PTPRD: variants seen among roughly 807,000 people sequenced by gnomAD.
PTPRD encodes the protein protein tyrosine phosphatase receptor type D.
In PTPRD, 34 loss-of-function variants were observed where a neutral mutation model predicts 214.5. That is an observed-to-expected ratio of 0.16 (90% CI 0.12 to 0.21). PTPRD has a LOEUF of 0.21. PTPRD is among the 10% of genes least tolerant of loss of function. The pLI is 1.00. For synonymous variants in PTPRD, 1,128 were observed against 845.7 expected (o/e 1.33, Z -5.79); for missense variants, 2,545 against 2,398.7 (o/e 1.06, Z -1.27).
chr9:8,866,906 C>A (rs1355051790), intron 11 of PTPRD, among the ~76,000 whole-genome samples: 1 of 152,100 alleles, frequency 6.6e-6, no homozygotes, highest in African/African-American at 2.4e-5. Context: ...AAAGCACTAA[C>A]CTCCAAGATA....
intron 7 of PTPRD, among the ~76,000 whole-genome samples, chr9:9,601,994 T>A (rs538686029): frequency 6.6e-6 from 1 of 152,176 alleles, no homozygotes; most frequent in Non-Finnish European, 1.5e-5. Flanking sequence ...TAATTGAAGA[T>A]TGGCAGATTT....
At chr9:9,751,121 C>A (rs1256226132) in intron 6 of PTPRD, among the ~76,000 whole-genome samples, 1 of 152,078 alleles carries the variant, frequency 6.6e-6, no homozygotes, top group African/African-American at 2.4e-5. Context: ...CACAATAAAA[C>A]AAACAGAAAA....
chr9:10,029,499 C>A (rs2097009284), intron 4 of PTPRD, among the ~76,000 whole-genome samples: 1 of 152,192 alleles, frequency 6.6e-6, no homozygotes, highest in African/African-American at 2.4e-5. Flanking sequence ...TTTCCATCAG[C>A]ATGACCAGGA....
At chr9:9,287,255 G>C (rs1457260547) in intron 9 of PTPRD, among the ~76,000 whole-genome samples, 1 of 151,570 alleles carries the variant, frequency 6.6e-6, no homozygotes, top group African/African-American at 2.4e-5. Context: ...ATTTAGTATA[G>C]GAATGTTGGC....
chr9:9,561,060 G>A (rs1033915410), intron 8 of PTPRD, among the ~76,000 whole-genome samples: 3 of 152,156 alleles, frequency 2.0e-5, no homozygotes, highest in African/African-American at 7.2e-5. Context: ...AGCCAAGCAA[G>A]CCTGTACAGC....
chr9:10,398,104 G>A (rs756147050), intron 2 of PTPRD, among the ~76,000 whole-genome samples: 1 of 151,440 alleles, frequency 6.6e-6, no homozygotes, highest in Non-Finnish European at 1.5e-5. Flanking sequence ...AGAACCAGGT[G>A]CAGTGGGCTC....
intron 3 of PTPRD, among the ~76,000 whole-genome samples, chr9:10,128,389 G>A (rs573825299): frequency 6.6e-6 from 1 of 152,168 alleles, no homozygotes; most frequent in East Asian, 1.9e-4. Flanking sequence ...TGCACACAGG[G>A]AGCACACCAT....
chr9:10,038,234 C>T (rs1383896444), intron 3 of PTPRD, among the ~76,000 whole-genome samples: 1 of 152,066 alleles, frequency 6.6e-6, no homozygotes. Context: ...CTTCTCAGGA[C>T]TTCATCTTTA....
At chr9:9,079,991 T>A (rs1472193079) in intron 10 of PTPRD, among the ~76,000 whole-genome samples, 4 of 152,094 alleles carry the variant, frequency 2.6e-5, no homozygotes, top group Admixed American at 2.0e-4. Flanking sequence ...ATATTAAATG[T>A]TCAATGACAT....
intron 3 of PTPRD, among the ~76,000 whole-genome samples, chr9:10,255,171 T>G (rs1315186694): frequency 2.6e-5 from 4 of 152,180 alleles, no homozygotes; most frequent in Non-Finnish European, 5.9e-5. Context: ...TGAGGTGATT[T>G]AAAATAGGGT....
At chr9:9,250,753 C>T (rs1355918260) in intron 9 of PTPRD, among the ~76,000 whole-genome samples, 1 of 151,840 alleles carries the variant, frequency 6.6e-6, no homozygotes, top group Non-Finnish European at 1.5e-5. Context: ...CAAACCAAAA[C>T]CAAAACCAAA....
At chr9:9,646,205 G>T (rs1363272590) in intron 7 of PTPRD, among the ~76,000 whole-genome samples, 1 of 151,914 alleles carries the variant, frequency 6.6e-6, no homozygotes, top group Non-Finnish European at 1.5e-5. Context: ...CTTAATATTT[G>T]TTTGTCTGTA....
At chr9:9,517,042 A>G (rs764941834) in intron 8 of PTPRD, among the ~76,000 whole-genome samples, 7 of 151,582 alleles carry the variant, frequency 4.6e-5, no homozygotes, top group African/African-American at 1.4e-4. Flanking sequence ...AAATGAAACC[A>G]TATCAAATGA....
intron 11 of PTPRD, among the ~76,000 whole-genome samples, chr9:8,810,472 C>T (rs139113375): frequency 2.0e-4 from 31 of 152,256 alleles, no homozygotes; most frequent in African/African-American, 7.5e-4. Context: ...ATTCAGACTG[C>T]ATGGGCATTA....
intron 8 of PTPRD, among the ~76,000 whole-genome samples, chr9:9,573,140 TCA>T (rs1315652408): frequency 2.0e-5 from 3 of 151,674 alleles, no homozygotes; most frequent in Non-Finnish European, 4.4e-5. Flanking sequence ...TTTGGTCTAT[TCA>T]CAGAGTTGAA....
At chr9:9,743,832 T>G (rs2098431639) in intron 6 of PTPRD, among the ~76,000 whole-genome samples, 1 of 151,782 alleles carries the variant, frequency 6.6e-6, no homozygotes, top group South Asian at 2.1e-4. Flanking sequence ...TGATTTCTAT[T>G]TGACTCTCTA....
chr9:9,391,635 T>G (rs1250658129), intron 9 of PTPRD, among the ~76,000 whole-genome samples: 1 of 152,208 alleles, frequency 6.6e-6, no homozygotes, highest in Non-Finnish European at 1.5e-5. Flanking sequence ...ATTATTTTGT[T>G]GGTGCAACTT....
chr9:8,424,505 T>C (rs928483023), intron 35 of PTPRD, among the ~76,000 whole-genome samples: 7 of 152,180 alleles, frequency 4.6e-5, no homozygotes, highest in Non-Finnish European at 5.9e-5. Context: ...TTCCGAAGAA[T>C]GTCTGGCACA....
At chr9:10,280,050 A>T (rs1035075602) in intron 3 of PTPRD, among the ~76,000 whole-genome samples, 1 of 152,158 alleles carries the variant, frequency 6.6e-6, no homozygotes, top group African/African-American at 2.4e-5. Context: ...TGTACTTAAT[A>T]TAATTTTTAT....
Sources: allele counts gnomAD v4.1 joint callset (sites outside exome capture counted in the v4.1 genomes callset), GRCh38; gene constraint gnomAD v4.1.1; transcripts MANE v1.5; gene names NCBI Gene and HGNC (gene_info 2026-07-23, HGNC 2026-07-21).